Variants in LMX1B observed in about 807,000 individuals in gnomAD.
The protein encoded by LMX1B is LIM homeobox transcription factor 1 beta, also known as LIM homeobox transcription factor 1-beta.
A neutral mutation model predicts 51.4 loss-of-function variants in LMX1B; 12 were observed. The ratio of observed to expected loss-of-function variants is 0.23; its 90% CI spans 0.15 to 0.38. The LOEUF (loss-of-function observed/expected upper bound fraction) is 0.38, where lower values mean the gene tolerates loss of function less well. Ranked by LOEUF, LMX1B falls within the 10% of genes least tolerant of loss-of-function variation. LMX1B has a pLI of 1.00. For synonymous variants in LMX1B, 237 were observed against 235.4 expected (o/e 1.01, Z -0.06); for missense variants, 445 against 571.1 (o/e 0.78, Z 2.25).
chr9:126,688,080 A>C (rs1169667634), intron 2 of LMX1B, among the ~76,000 whole-genome samples: 1 of 152,176 alleles, frequency 6.6e-6, no homozygotes, highest in Non-Finnish European at 1.5e-5. Context: ...TCTGTTTATA[A>C]AGTGCGCGCA....
chr9:126,696,040 A>AAACCCCCC, intron 7 of LMX1B, 37 bp downstream of exon 7: 1 of 818,758 alleles, frequency 1.2e-6, no homozygotes, highest in South Asian at 2.8e-5. Context: ...GCCCCAGCAC[A>AAACCCCCC]GCCCCTGCCC....
rs550024836 is a variant in LMX1B at position 126,693,230 on chromosome 9, G to T, written c.648G>T (p.Pro216=). ...SKGSGDDGKD[P]RRPKRPRTIL... is the part of the protein sequence containing the mutation. ...GCAGCGGGGATGACGGGAAGGACCCGCGGAGGCCCAAGCGACCCCGGACCA... is the reference window on the plus strand; with the variant it reads ...GCAGCGGGGATGACGGGAAGGACCCTCGGAGGCCCAAGCGACCCCGGACCA... The change falls in exon 4 of 8, where the codon CCG becomes CCT. Residue 216 remains proline, a synonymous_variant. Transcript: ENST00000373474. The T allele has an allele frequency of 1.9e-6, 3 of 1,611,086 alleles. No individual in the cohort carries two copies. The highest frequency in any genetic ancestry group is 1.1e-5 in the South Asian group (1 of 90,406).
chr9:126,693,229 C>T lies in LMX1B; in HGVS notation c.647C>T (p.Pro216Leu), dbSNP rs779417752. Residue 216 changes from proline to leucine, a missense_variant, in exon 4 of 8, where the codon CCG (proline) becomes CTG (leucine). This residue lies in a region of LMX1B where 273 missense variants were observed against 343.3 expected (regional missense o/e 0.80). Coordinates refer to ENST00000373474, the MANE Select transcript of LMX1B (RefSeq NM_001174147.2). Reference protein sequence around the residue: ...SKGSGDDGKDPRRPKRPRTIL... With the variant: ...SKGSGDDGKDLRRPKRPRTIL... ...GGCAGCGGGGATGACGGGAAGGACC[C>T]GCGGAGGCCCAAGCGACCCCGGACC... The T allele has an allele frequency of 1.9e-6, 3 of 1,610,866 alleles. No individual in the cohort carries two copies. Among genetic ancestry groups the T allele is most frequent in the Non-Finnish European group, 2.5e-6 (3 of 1,178,990 alleles).
At chr9:126,643,997 G>T (rs966620278) in intron 2 of LMX1B, among the ~76,000 whole-genome samples, 4 of 152,210 alleles carry the variant, frequency 2.6e-5, no homozygotes, top group African/African-American at 9.6e-5. Context: ...CTAGAAACAG[G>T]TCTGGCCAGC....
Position 126,625,452 on chromosome 9 carries a change from C to G in LMX1B, c.326+9883C>G, listed in dbSNP as rs986396551. On this transcript the variant is annotated intron_variant, in intron 2 of 7. Coordinates refer to ENST00000373474, the MANE Select transcript of LMX1B (RefSeq NM_001174147.2). This position sits in a 1 kb window ranked among gnomAD's most constrained non-coding sequence, Gnocchi z 5.3. ...GGAAAGGTGGCACTCCGGGTGCACA[C>G]CCACCACCCCCATTAAAGCGGGATT... Among the ~76,000 whole-genome samples the G allele has an allele frequency of 6.6e-5, 10 of 152,236 alleles. No individual in the cohort carries two copies. Among genetic ancestry groups the G allele is most frequent in the African/African-American group, 1.7e-4 (7 of 41,458 alleles).
At chr9:126,654,369 T>C (rs1317727032) in intron 2 of LMX1B, among the ~76,000 whole-genome samples, 1 of 152,236 alleles carries the variant, frequency 6.6e-6, no homozygotes, top group Non-Finnish European at 1.5e-5. Flanking sequence ...CTCAGCAGCC[T>C]TCCCCAGAGA....
chr9:126,678,935 C>T (rs892640423), intron 2 of LMX1B, among the ~76,000 whole-genome samples: 17 of 152,220 alleles, frequency 1.1e-4, no homozygotes, highest in African/African-American at 3.9e-4. Context: ...AGTGTTGTTA[C>T]AGCCCTAATT....
chr9:126,636,208 C>G (rs374654297), intron 2 of LMX1B, among the ~76,000 whole-genome samples: 4 of 152,156 alleles, frequency 2.6e-5, no homozygotes, highest in African/African-American at 9.7e-5. Flanking sequence ...AAGGCAGACA[C>G]AGCCCTCCCC....
intron 2 of LMX1B, among the ~76,000 whole-genome samples, chr9:126,649,282 T>A (rs538106061): frequency 6.6e-6 from 1 of 152,306 alleles, no homozygotes; most frequent in East Asian, 1.9e-4. Context: ...TGAACTTTTT[T>A]AAGGTCTGAC....
intron 2 of LMX1B, among the ~76,000 whole-genome samples, chr9:126,656,497 G>A (rs945757717): frequency 1.3e-5 from 2 of 152,180 alleles, no homozygotes; most frequent in East Asian, 3.8e-4. Context: ...AGACAAGGAC[G>A]AAGGCCTCAG....
At chr9:126,684,939 C>T (rs1435731746) in intron 2 of LMX1B, among the ~76,000 whole-genome samples, 1 of 152,186 alleles carries the variant, frequency 6.6e-6, no homozygotes, top group African/African-American at 2.4e-5. Flanking sequence ...CAGTTTCAGA[C>T]CCCTAGGAGC....
chr9:126,621,874 A>C (rs1350751074), intron 2 of LMX1B, among the ~76,000 whole-genome samples: 1 of 152,036 alleles, frequency 6.6e-6, no homozygotes, highest in East Asian at 1.9e-4. Flanking sequence ...GGTGGGGCAT[A>C]AGGGGCCACT....
rs1835278990 is a variant in LMX1B, at chr9:126,615,216, C to G, written c.140-167C>G. 6.6e-6 allele frequency among the ~76,000 whole-genome samples: 1 copy of G among 151,636 alleles called. No homozygotes were observed. Among genetic ancestry groups the G allele is most frequent in the South Asian group, 2.1e-4 (1 of 4,832 alleles). On this transcript the variant is annotated intron_variant, in intron 1 of 7. Transcript: ENST00000373474. The surrounding 1 kb of genome is among the most constrained non-coding windows in gnomAD (Gnocchi z 6.0). The stretch of plus-strand genomic sequence containing the variant: ...AGCCCGAGGACTGGGACGGACTAGC[C>G]GGGGCCGCCCGGCCCCTGGCGCGGC...
At position 126,625,629 on chromosome 9, in the gene LMX1B, C is replaced by T. The variant is rs1835510569; in HGVS notation, c.326+10060C>T. 6.6e-6 allele frequency among the ~76,000 whole-genome samples: 1 copy of T among 152,218 alleles called. No homozygotes were observed. The highest frequency in any genetic ancestry group is 2.1e-4 in the South Asian group (1 of 4,826). On this transcript the variant is annotated intron_variant, in intron 2 of 7. Transcript: ENST00000373474. The surrounding 1 kb of genome is among the most constrained non-coding windows in gnomAD (Gnocchi z 5.3). ...GGCTGCATGCTCGGCCCCTTTCTTCCGAGGGTGAATTCCTTTGTTCCACCC... is the reference window on the plus strand; with the variant it reads ...GGCTGCATGCTCGGCCCCTTTCTTCTGAGGGTGAATTCCTTTGTTCCACCC...
In LMX1B at chr9:126,614,485, G is replaced by T; in HGVS notation, c.36G>T (p.Arg12Ser). Residue 12 changes from arginine to serine, a missense_variant, in exon 1 of 8, where the codon AGG (arginine) becomes AGT (serine). This residue lies in a region of LMX1B where 273 missense variants were observed against 343.3 expected (regional missense o/e 0.80). Coordinates refer to ENST00000373474, the MANE Select transcript of LMX1B (RefSeq NM_001174147.2). ...CAACAGGTCCCGAGTCGCTGGAGAG[G>T]TGCTTCCCTCGCGGGCAGACGGACT... ...DIATGPESLE[R>S]CFPRGQTDCA... The T allele has an allele frequency of 1.9e-6, 3 of 1,599,938 alleles. No homozygotes were observed. The highest frequency in any genetic ancestry group is 2.6e-6 in the Non-Finnish European group (3 of 1,174,070).
chr9:126,653,755 C>T (rs986113748), intron 2 of LMX1B, among the ~76,000 whole-genome samples: 5 of 152,094 alleles, frequency 3.3e-5, no homozygotes, highest in Non-Finnish European at 5.9e-5. Context: ...TCCCACCCTT[C>T]ATCCCCAGCC....
intron 2 of LMX1B, among the ~76,000 whole-genome samples, chr9:126,679,009 A>T (rs955352935): frequency 4.6e-5 from 7 of 152,220 alleles, no homozygotes; most frequent in Non-Finnish European, 8.8e-5. Context: ...GGGTCAAAAT[A>T]TCAGCTGGGT....
intron 2 of LMX1B, among the ~76,000 whole-genome samples, chr9:126,667,931 T>C (rs1836375000): frequency 6.6e-6 from 1 of 152,134 alleles, no homozygotes; most frequent in African/African-American, 2.4e-5. Context: ...GTGTTGTTTG[T>C]TTTCAGCTGA....
intron 2 of LMX1B, among the ~76,000 whole-genome samples, chr9:126,643,892 G>T (rs1206111674): frequency 6.6e-6 from 1 of 152,224 alleles, no homozygotes; most frequent in Non-Finnish European, 1.5e-5. Context: ...AGCCCTACCA[G>T]GTAGACGCCA....
Sources: gnomAD v4.1 joint callset for allele counts (sites outside exome capture counted in the v4.1 genomes callset) on GRCh38, gnomAD v4.1.1 for gene constraint, gnomAD v4.1.1 regional missense constraint, Gnocchi (gnomAD v3.1) non-coding constraint, MANE v1.5 for transcripts, NCBI Gene and HGNC (gene_info 2026-07-23, HGNC 2026-07-21) for gene names.